The following CADPS2 variants were observed in gnomAD, a reference collection of about 807,000 sequenced individuals.
CADPS2 encodes calcium-dependent secretion activator 2.
Under a neutral mutation model 172.5 loss-of-function variants are expected in CADPS2, and 93 were observed. The ratio of observed to expected loss-of-function variants is 0.54; its 90% CI spans 0.46 to 0.64. The LOEUF (loss-of-function observed/expected upper bound fraction) is 0.64. CADPS2 is among the 30% of genes least tolerant of loss of function. The pLI is 0.00. For synonymous variants in CADPS2, 546 were observed against 555.2 expected (o/e 0.98, Z 0.23); for missense variants, 1,420 against 1,565.9 (o/e 0.91, Z 1.57).
chr7:122,664,064 CAAAAAA>C (rs541690772), intron 2 of CADPS2, among the ~76,000 whole-genome samples: 2 of 84,882 alleles, frequency 2.4e-5, no homozygotes, highest in Admixed American at 1.3e-4. Flanking sequence ...TGTTTATAAG[CAAAAAA>C]AAAAAAAAAA....
intron 8 of CADPS2, among the ~76,000 whole-genome samples, chr7:122,541,763 TTATA>T (rs1378754442): frequency 1.4e-5 from 2 of 145,456 alleles, no homozygotes; most frequent in Non-Finnish European, 3.0e-5. Flanking sequence ...ATTCATATAT[TTATA>T]TATTCACATA....
intron 2 of CADPS2, among the ~76,000 whole-genome samples, chr7:122,669,159 T>C (rs570504977): frequency 1.3e-5 from 2 of 151,862 alleles, no homozygotes; most frequent in Admixed American, 1.3e-4. Context: ...GGCGAAACCC[T>C]GCTCTACCAA....
At chr7:122,679,450 G>A (rs2082777514) in intron 2 of CADPS2, among the ~76,000 whole-genome samples, 1 of 152,088 alleles carries the variant, frequency 6.6e-6, no homozygotes, top group Non-Finnish European at 1.5e-5. Context: ...GTTTATCAAT[G>A]ACAATGTGTG....
intron 1 of CADPS2, among the ~76,000 whole-genome samples, chr7:122,765,794 T>A (rs1182826770): frequency 6.6e-6 from 1 of 152,094 alleles, no homozygotes; most frequent in Non-Finnish European, 1.5e-5. Flanking sequence ...TATTTTATAG[T>A]TGAGAAGACA....
At chr7:122,614,709 T>C (rs1322151088) in intron 6 of CADPS2, among the ~76,000 whole-genome samples, 5 of 152,184 alleles carry the variant, frequency 3.3e-5, no homozygotes, top group Non-Finnish European at 5.9e-5. Context: ...TATCGTGCGG[T>C]AGTCGTACAT....
chr7:122,406,170 C>T (rs181608426), intron 20 of CADPS2, among the ~76,000 whole-genome samples: 7 of 152,188 alleles, frequency 4.6e-5, no homozygotes, highest in Non-Finnish European at 1.0e-4. Context: ...TGATTTCCCC[C>T]CCACCAGTTT....
At position 122,393,221 on chromosome 7, in the gene CADPS2, A is replaced by G. The variant is rs2044617501; in HGVS notation, c.2983T>C (p.Trp995Arg). The change falls in exon 22 of 30, where the codon TGG (tryptophan) becomes CGG (arginine). Residue 995 changes from tryptophan to arginine, a missense_variant. Coordinates refer to ENST00000449022, the MANE Select transcript of CADPS2 (RefSeq NM_017954.11). ...GTGGACTCATATAAAGAAGGCATCC[A>G]CGAAGCAGTAGAAATGTTAGGAATC... ...PQIPNISTAS[W>R]MPSLYESTNG... 1 of 1,613,864 alleles carries G rather than the reference A, an allele frequency of 6.2e-7. No individual in the cohort carries two copies. Among genetic ancestry groups the G allele is most frequent in the East Asian group, 2.2e-5 (1 of 44,876 alleles).
At chr7:122,566,870 C>T (rs1016103857) in intron 7 of CADPS2, among the ~76,000 whole-genome samples, 1 of 152,248 alleles carries the variant, frequency 6.6e-6, no homozygotes, top group Admixed American at 6.5e-5. Flanking sequence ...TTCACCTATC[C>T]CTCCAACATT....
intron 20 of CADPS2, among the ~76,000 whole-genome samples, chr7:122,399,061 T>C (rs896780449): frequency 6.6e-6 from 1 of 152,122 alleles, no homozygotes; most frequent in African/African-American, 2.4e-5. Context: ...CAGTTCTTCC[T>C]TTTCCCTTGG....
intron 7 of CADPS2, among the ~76,000 whole-genome samples, chr7:122,579,681 T>G (rs935361370): frequency 7.2e-5 from 11 of 151,862 alleles, no homozygotes; most frequent in Admixed American, 2.0e-4. Flanking sequence ...TGAAAAACCC[T>G]GATTAATAAA....
At chr7:122,676,853 G>T (rs1454248321) in intron 2 of CADPS2, 5 of 513,400 alleles carry the variant, frequency 9.7e-6, no homozygotes, top group Admixed American at 6.5e-5. Flanking sequence ...TTTTTTCCAG[G>T]TCACTTTGTG....
chr7:122,424,539 T>A (rs1276842269), intron 17 of CADPS2: 1 of 152,496 alleles, frequency 6.6e-6, no homozygotes, highest in South Asian at 2.1e-4. Flanking sequence ...TGTAAGACTA[T>A]CTTGGGGTGG....
chr7:122,871,335 G>A (rs1033010778), intron 1 of CADPS2, among the ~76,000 whole-genome samples: 4 of 151,712 alleles, frequency 2.6e-5, no homozygotes, highest in Non-Finnish European at 5.9e-5. Flanking sequence ...CTATTTGCAG[G>A]ATACTTCATG....
chr7:122,478,017 TTTC>T (rs1353346054), intron 12 of CADPS2, among the ~76,000 whole-genome samples: 4 of 152,190 alleles, frequency 2.6e-5, no homozygotes, highest in South Asian at 2.1e-4. Flanking sequence ...TATTATCTAG[TTTC>T]TTATTTTTAT....
intron 14 of CADPS2, among the ~76,000 whole-genome samples, chr7:122,455,034 T>C (rs2053592035): frequency 6.6e-6 from 1 of 152,116 alleles, no homozygotes; most frequent in Admixed American, 6.6e-5. Context: ...CCTGTAATGG[T>C]GGCACACAAG....
chr7:122,734,387 G>GAAAAAAAAAAAAAAAAAAAAAAAA (rs768675808), intron 2 of CADPS2, among the ~76,000 whole-genome samples: 1 of 90,800 alleles, frequency 1.1e-5, no homozygotes, highest in Non-Finnish European at 2.1e-5. Context: ...AAAAAAAAAA[G>GAAAAAAAAAAAAAAAAAAAAAAAA]AAAAAAAAAA....
intron 8 of CADPS2, among the ~76,000 whole-genome samples, chr7:122,525,270 A>T (rs1415119706): frequency 6.6e-6 from 1 of 152,178 alleles, no homozygotes; most frequent in East Asian, 1.9e-4. Flanking sequence ...AGGACATTTT[A>T]GCAGAGCTCT....
chr7:122,879,561 G>GAA (rs1205508127), intron 1 of CADPS2, among the ~76,000 whole-genome samples: 1 of 145,920 alleles, frequency 6.9e-6, no homozygotes, highest in East Asian at 2.1e-4. Context: ...AATAAAAAAA[G>GAA]AAAAGAAAAG....
chr7:122,417,556 A>G (rs185157736), intron 17 of CADPS2, among the ~76,000 whole-genome samples: 7 of 152,352 alleles, frequency 4.6e-5, no homozygotes, highest in African/African-American at 1.7e-4. Flanking sequence ...GAATGATCAA[A>G]TGTTTCATCT....
Sources: gnomAD v4.1 joint callset for allele counts (sites outside exome capture counted in the v4.1 genomes callset) on GRCh38, gnomAD v4.1.1 for gene constraint, MANE v1.5 for transcripts, NCBI Gene and HGNC (gene_info 2026-07-23, HGNC 2026-07-21) for gene names.